MBOAT1: variants seen among roughly 807,000 people sequenced by gnomAD.
MBOAT1 encodes the protein membrane bound glycerophospholipid O-acyltransferase 1, also known as membrane-bound glycerophospholipid O-acyltransferase 1.
A neutral mutation model predicts 64.4 loss-of-function variants in MBOAT1; 67 were observed. The observed-to-expected ratio is 1.04, with a 90% CI of 0.85 to 1.27. The LOEUF is 1.27. MBOAT1 is among the 50% of genes most tolerant of loss of function. The pLI is 0.00. For missense variants in MBOAT1, 563 were observed against 604.6 expected (o/e 0.93, Z 0.72); for synonymous variants, 229 against 218.9 (o/e 1.05, Z -0.41).
At chr6:20,187,486 G>A (rs1309946026) in intron 1 of MBOAT1, among the ~76,000 whole-genome samples, 12 of 152,222 alleles carry the variant, frequency 7.9e-5, no homozygotes, top group Non-Finnish European at 1.3e-4. Context: ...TGGTTTCAGA[G>A]AGTTCACCTT....
At chr6:20,168,557 GAAAGAGAAA>G (rs1581439568) in intron 1 of MBOAT1, among the ~76,000 whole-genome samples, 3 of 126,506 alleles carry the variant, frequency 2.4e-5, no homozygotes, top group East Asian at 2.2e-4. Context: ...GGGAAACAGA[GAAAGAGAAA>G]GAGAGAGAGA....
intron 9 of MBOAT1, among the ~76,000 whole-genome samples, 185 bp downstream of exon 9, chr6:20,118,250 TAA>T (rs11448219): frequency 6.9e-6 from 1 of 145,732 alleles, no homozygotes. Context: ...GTAGATATCT[TAA>T]AAAAAAAAAA....
chr6:20,115,345 G>C lies in MBOAT1; in HGVS notation c.1019C>G (p.Thr340Arg). 1.2e-6 allele frequency: 2 copies of C among 1,610,076 alleles called. No homozygotes were observed. The highest frequency in any genetic ancestry group is 1.7e-6 in the Non-Finnish European group (2 of 1,177,470). ...GTTTTCCAAGTACATTTTGAAACTT[G>C]TGGCAGTCTGGAAAGAAGAAAATAA... ...NLNIWKIETA[T>R]SFKMYLENWN... The change falls in exon 10 of 13, where the codon ACA becomes AGA. Residue 340 changes from threonine (T) to arginine (R), a missense_variant. Thr to Arg is a moderately conservative substitution (Grantham distance 71). Transcript: ENST00000324607.
chr6:20,161,398 G>T (rs576295725), intron 1 of MBOAT1, among the ~76,000 whole-genome samples: 1 of 151,932 alleles, frequency 6.6e-6, no homozygotes, highest in African/African-American at 2.4e-5. Flanking sequence ...CACAATAAAT[G>T]TAATGAGCTT....
intron 1 of MBOAT1, among the ~76,000 whole-genome samples, chr6:20,160,053 C>G (rs145576746): frequency 2.9e-3 from 442 of 152,260 alleles, no homozygotes; most frequent in African/African-American, 0.01. Context: ...AGCTCAGATT[C>G]AGCAAAAGCT....
intron 4 of MBOAT1, among the ~76,000 whole-genome samples, chr6:20,141,951 G>A (rs1292089398): frequency 6.6e-6 from 1 of 152,174 alleles, no homozygotes; most frequent in Non-Finnish European, 1.5e-5. Context: ...CTCTTGCAAA[G>A]CCCTCCCTTC....
intron 1 of MBOAT1, among the ~76,000 whole-genome samples, chr6:20,210,100 G>A (rs1209691772): frequency 6.6e-6 from 1 of 152,158 alleles, no homozygotes; most frequent in Non-Finnish European, 1.5e-5. Flanking sequence ...TTTCCTGCAA[G>A]GACCCTGATA....
chr6:20,109,823 G>C, intron 11 of MBOAT1, 74 bp from the exon 12 acceptor site: 2 of 1,428,812 alleles, frequency 1.4e-6, no homozygotes, highest in Non-Finnish European at 9.5e-7. Context: ...TGTGCATGCA[G>C]ATAGTATGCC....
At chr6:20,187,764 G>A (rs571172575) in intron 1 of MBOAT1, among the ~76,000 whole-genome samples, 1 of 152,342 alleles carries the variant, frequency 6.6e-6, no homozygotes, top group Non-Finnish European at 1.5e-5. Flanking sequence ...GGCCAAGGCA[G>A]GAGGATCACT....
intron 1 of MBOAT1, among the ~76,000 whole-genome samples, chr6:20,204,807 G>A (rs971677386): frequency 6.6e-6 from 1 of 152,204 alleles, no homozygotes; most frequent in Non-Finnish European, 1.5e-5. Context: ...CCAGGAGCAC[G>A]GCCTCCAGTG....
chr6:20,103,329 TA>T (rs1441928961), intron 12 of MBOAT1, among the ~76,000 whole-genome samples: 1 of 152,174 alleles, frequency 6.6e-6, no homozygotes, highest in Non-Finnish European at 1.5e-5. Flanking sequence ...GTTTCAAAAG[TA>T]AAAAAACAAA....
At chr6:20,181,423 A>C (rs1762504691) in intron 1 of MBOAT1, among the ~76,000 whole-genome samples, 3 of 149,782 alleles carry the variant, frequency 2.0e-5, no homozygotes, top group Admixed American at 6.7e-5. Context: ...TCCCTTTTCC[A>C]CCCCCACTTG....
chr6:20,211,215 T>C (rs927719900), intron 1 of MBOAT1, among the ~76,000 whole-genome samples: 14 of 152,070 alleles, frequency 9.2e-5, no homozygotes, highest in African/African-American at 3.4e-4. Flanking sequence ...AGGTGTGCTC[T>C]TGTTAAAAGG....
intron 8 of MBOAT1, among the ~76,000 whole-genome samples, chr6:20,120,466 C>T (rs780932738): frequency 6.6e-5 from 10 of 151,934 alleles, no homozygotes; most frequent in Non-Finnish European, 1.0e-4. Context: ...GTCAGCAGTT[C>T]GAGACCAGCC....
At chr6:20,182,325 C>A (rs1383472215) in intron 1 of MBOAT1, among the ~76,000 whole-genome samples, 2 of 152,130 alleles carry the variant, frequency 1.3e-5, no homozygotes, top group African/African-American at 4.8e-5. Context: ...CAAGCTCCCT[C>A]CAGTCTCTTA....
At chr6:20,108,457 G>A (rs903513296) in intron 12 of MBOAT1, among the ~76,000 whole-genome samples, 4 of 152,166 alleles carry the variant, frequency 2.6e-5, no homozygotes, top group African/African-American at 9.7e-5. Flanking sequence ...TATTGTAACA[G>A]CATGGACTTC....
intron 12 of MBOAT1, among the ~76,000 whole-genome samples, chr6:20,106,338 G>C (rs1222960991): frequency 6.6e-6 from 1 of 152,116 alleles, no homozygotes; most frequent in Non-Finnish European, 1.5e-5. Context: ...GTCCCACTAG[G>C]TGCATTTCAA....
rs1159704816 is a variant in MBOAT1, at chr6:20,124,678, A to C, written c.715-78T>G. ...AAACAGCTTTGGAATGGACCTGTTAAGGACAACGTTGCTCCAACAGCTGCT... is the reference window on the plus strand; with the variant it reads ...AAACAGCTTTGGAATGGACCTGTTACGGACAACGTTGCTCCAACAGCTGCT... On this transcript the variant is annotated intron_variant, in intron 7 of 12. Coordinates refer to ENST00000324607, the MANE Select transcript of MBOAT1 (RefSeq NM_001080480.3). 5 of 1,343,968 alleles carry C rather than the reference A, an allele frequency of 3.7e-6. No individual in the cohort carries two copies. The Admixed American group carries it at 1.0e-4, about 27-fold the overall frequency. 83.3% of individuals were successfully genotyped at this position (1,343,968 alleles called of 1,614,324 possible).
intron 1 of MBOAT1, among the ~76,000 whole-genome samples, chr6:20,165,697 C>T (rs1761997509): frequency 1.3e-5 from 2 of 150,710 alleles, no homozygotes; most frequent in African/African-American, 4.9e-5. Flanking sequence ...GAGCCGCGAT[C>T]GTGCCAGTGC....
Sources: allele counts gnomAD v4.1 joint callset (sites outside exome capture counted in the v4.1 genomes callset), GRCh38; gene constraint gnomAD v4.1.1; transcripts MANE v1.5; gene names NCBI Gene and HGNC (gene_info 2026-07-23, HGNC 2026-07-21).